PDE4D: variants seen among roughly 807,000 people sequenced by gnomAD.
PDE4D encodes the protein phosphodiesterase 4D.
In PDE4D, 24 loss-of-function variants were observed where a neutral mutation model predicts 87.4. That is an observed-to-expected ratio of 0.27 (90% CI 0.20 to 0.39). The LOEUF is 0.39. PDE4D is among the 10% of genes least tolerant of loss of function. The pLI, the probability that PDE4D is intolerant of heterozygous loss-of-function variation, is 1.00. For synonymous variants in PDE4D, 384 were observed against 383.2 expected, an observed-to-expected ratio of 1.00 and a Z score of -0.02; for missense variants, 714 against 1,041.0, an observed-to-expected ratio of 0.69 and a Z score of 4.32.
intron 2 of PDE4D, among the ~76,000 whole-genome samples, chr5:60,164,410 A>G (rs1782715506): frequency 6.6e-6 from 1 of 152,150 alleles, no homozygotes; most frequent in South Asian, 2.1e-4. Context: ...CCCAAAACCT[A>G]GTGAAATCTG....
intron 1 of PDE4D, among the ~76,000 whole-genome samples, chr5:59,800,006 T>C (rs891284294): frequency 1.3e-5 from 2 of 152,274 alleles, no homozygotes; most frequent in East Asian, 1.9e-4. Flanking sequence ...TAACACTCCC[T>C]CACTGTGGGG....
Position 58,973,143 on chromosome 5 carries a change from T to C in PDE4D, c.*1521A>G, listed in dbSNP as rs958603813. 5 of 152,190 alleles carry C rather than the reference T, an allele frequency of 3.3e-5. No homozygotes were observed. Among genetic ancestry groups the C allele is most frequent in the African/African-American group, 1.2e-4 (5 of 41,442 alleles). The allele number at this position is 152,190 out of a possible 1,614,324, so 9.4% of individuals were successfully genotyped here. A position where few individuals can be genotyped will look rare whatever the true frequency, so the allele number is the denominator to read the frequency against. ...AATCATTAAAACCAAATAGGATTAG[T>C]TGTATTGGTGTTTGTTAATATATTG... is the stretch of plus-strand genomic sequence containing the variant. On this transcript the variant is annotated 3_prime_UTR_variant, in exon 15 of 15. Coordinates refer to ENST00000340635, the MANE Select transcript of PDE4D (RefSeq NM_001104631.2).
intron 1 of PDE4D, among the ~76,000 whole-genome samples, chr5:59,277,088 A>G (rs1362046432): frequency 6.6e-6 from 1 of 152,110 alleles, no homozygotes; most frequent in African/African-American, 2.4e-5. Flanking sequence ...GTCTGACGTG[A>G]ACTTGGTGTT....
At chr5:59,474,299 C>T (rs112882619) in intron 1 of PDE4D, among the ~76,000 whole-genome samples, 2,936 of 152,110 alleles carry the variant, frequency 0.019, 31 homozygotes, top group Middle Eastern at 0.048. Flanking sequence ...TTTTCTTTCA[C>T]CAAAAATAAG....
At position 59,027,683 on chromosome 5, in the gene PDE4D, C is replaced by T. The variant is rs375436328; in HGVS notation, c.921+11176G>A. 5.5e-4 allele frequency among the ~76,000 whole-genome samples: 83 copies of T among 152,192 alleles called. 1 individual carries two copies. The highest frequency in any genetic ancestry group is 3.3e-3 in the South Asian group (16 of 4,802). ...CTTGCAACTCTTCAGTATATTCCCA[C>T]GGGTGTAGGGTTCCATTTGTTTGAG... On this transcript the variant is annotated intron_variant, in intron 6 of 14. Transcript: ENST00000340635.
At chr5:59,411,154 G>C (rs532055888) in intron 1 of PDE4D, among the ~76,000 whole-genome samples, 1 of 152,144 alleles carries the variant, frequency 6.6e-6, no homozygotes, top group East Asian at 1.9e-4. Context: ...TAAGATTCTT[G>C]GTTCCTCAAT....
chr5:59,049,821 C>T (rs184997651), intron 5 of PDE4D, among the ~76,000 whole-genome samples: 14 of 152,268 alleles, frequency 9.2e-5, no homozygotes, highest in African/African-American at 1.2e-4. Flanking sequence ...ATCTTTTATT[C>T]GGAATCGCTA....
At chr5:60,070,394 T>C (rs1582497687) in intron 2 of PDE4D, among the ~76,000 whole-genome samples, 1 of 152,246 alleles carries the variant, frequency 6.6e-6, no homozygotes, top group East Asian at 1.9e-4. Context: ...TATTACTAGT[T>C]TGAGTTTTTA....
At chr5:59,913,877 A>C (rs1482709730) in intron 3 of PDE4D, among the ~76,000 whole-genome samples, 3 of 152,138 alleles carry the variant, frequency 2.0e-5, no homozygotes, top group East Asian at 1.9e-4. Context: ...TTTTGGCATG[A>C]AATTGTAGTT....
intron 5 of PDE4D, among the ~76,000 whole-genome samples, chr5:59,096,381 T>C (rs1311331885): frequency 6.6e-6 from 1 of 152,176 alleles, no homozygotes; most frequent in Non-Finnish European, 1.5e-5. Context: ...TCAAGAAATA[T>C]GACTGCACTT....
chr5:59,634,067 A>T (rs1273603996), intron 1 of PDE4D, among the ~76,000 whole-genome samples: 4 of 152,168 alleles, frequency 2.6e-5, no homozygotes, highest in African/African-American at 9.7e-5. Context: ...CAGAAAGAAA[A>T]AAAAAAGGTG....
At chr5:59,558,028 C>T (rs533933337) in intron 1 of PDE4D, among the ~76,000 whole-genome samples, 6 of 152,162 alleles carry the variant, frequency 3.9e-5, no homozygotes, top group East Asian at 1.9e-4. Context: ...GTACAGGAAC[C>T]GTAAGGTTTA....
chr5:59,447,619 A>T (rs1188272993), intron 1 of PDE4D, among the ~76,000 whole-genome samples: 1 of 152,256 alleles, frequency 6.6e-6, no homozygotes, highest in African/African-American at 2.4e-5. Flanking sequence ...ATGAGGAAGT[A>T]ACATTAGATA....
rs27189 is a variant in PDE4D, at chr5:59,227,087, C to T, written c.456-11119G>A. On this transcript the variant is annotated intron_variant, in intron 1 of 14. Coordinates refer to ENST00000340635, the MANE Select transcript of PDE4D (RefSeq NM_001104631.2). Reference sequence around the variant, plus strand: ...CACAGGAATAACTCAGTTTTATTTTCCTTGTACTGCTCACAGCAGGTTACT... The same window carrying T: ...CACAGGAATAACTCAGTTTTATTTTTCTTGTACTGCTCACAGCAGGTTACT... 3.9e-3 allele frequency among the ~76,000 whole-genome samples: 594 copies of T among 152,256 alleles called. 11 individuals carry two copies. The highest frequency in any genetic ancestry group is 0.028 in the Admixed American group (424 of 15,290).
chr5:60,449,299 A>G (rs1745902629), intron 1 of PDE4D, among the ~76,000 whole-genome samples: 1 of 151,932 alleles, frequency 6.6e-6, no homozygotes, highest in South Asian at 2.1e-4. Context: ...TGAAAGAAAC[A>G]ACCTCCTTCT....
At chr5:60,056,137 T>C (rs1228989697) in intron 2 of PDE4D, among the ~76,000 whole-genome samples, 1 of 152,012 alleles carries the variant, frequency 6.6e-6, no homozygotes, top group Non-Finnish European at 1.5e-5. Context: ...TATGTATGAG[T>C]CACACTTCCA....
chr5:60,499,056 TC>T (rs1749948254), intron 1 of PDE4D, among the ~76,000 whole-genome samples: 1 of 152,188 alleles, frequency 6.6e-6, no homozygotes, highest in South Asian at 2.1e-4. Context: ...CCAACGCAGA[TC>T]CTTGATGAAG....
At chr5:59,794,120 G>GAC (rs1454517126) in intron 1 of PDE4D, among the ~76,000 whole-genome samples, 1 of 125,896 alleles carries the variant, frequency 7.9e-6, no homozygotes, top group Non-Finnish European at 1.7e-5. Flanking sequence ...CAGATACACA[G>GAC]ACACACACAC....
chr5:60,489,304 T>C (rs1013238172), upstream of PDE4D, among the ~76,000 whole-genome samples: 1 of 152,246 alleles, frequency 6.6e-6, no homozygotes, highest in African/African-American at 2.4e-5. Context: ...TCAATCCTTA[T>C]GCTTTCATAG....
Sources: allele counts gnomAD v4.1 joint callset (sites outside exome capture counted in the v4.1 genomes callset), GRCh38; gene constraint gnomAD v4.1.1; transcripts MANE v1.5; gene names NCBI Gene and HGNC (gene_info 2026-07-23, HGNC 2026-07-21).